The following IL1R2 variants were observed in gnomAD, a reference collection of about 807,000 sequenced individuals.
The protein encoded by IL1R2 is interleukin 1 receptor type 2.
Under a neutral mutation model 39.5 loss-of-function variants are expected in IL1R2, and 46 were observed. The observed-to-expected ratio is 1.16, with a 90% CI of 0.92 to 1.49. The LOEUF is 1.49. Among genes scored for constraint, IL1R2 ranks in the 40% most tolerant of loss-of-function variants. The pLI, the probability that IL1R2 is intolerant of heterozygous loss-of-function variation, is 0.00. For missense variants in IL1R2, 537 were observed against 502.0 expected (o/e 1.07, Z -0.67); for synonymous variants, 207 against 189.6 (o/e 1.09, Z -0.75).
chr2:102,015,879 CT>C lies in IL1R2; in HGVS notation c.343del (p.Tyr115ThrfsTer28), dbSNP rs768129599. On this transcript the variant is annotated frameshift_variant, in exon 4 of 9. Coordinates refer to ENST00000332549, the MANE Select transcript of IL1R2 (RefSeq NM_004633.4). LOFTEE classifies it high-confidence loss of function. ...TTTCCCTTTTAAATCAGAAATGCTTCTTACTGTGACAAAATGTCCATTGAGC... is the reference window on the plus strand; with the variant it reads ...TTTCCCTTTTAAATCAGAAATGCTTCTACTGTGACAAAATGTCCATTGAGC... The part of the protein sequence containing the change: ...GTYVCTTRNA[S>X]YCDKMSIELR... 1 of 1,612,180 alleles carries C rather than the reference CT, an allele frequency of 6.2e-7. No individual in the cohort carries two copies. Among genetic ancestry groups the C allele is most frequent in the Non-Finnish European group, 8.5e-7 (1 of 1,178,538 alleles).
At chr2:102,023,558 G>C (rs898775872) in intron 6 of IL1R2, 1 of 152,232 alleles carries the variant, frequency 6.6e-6, no homozygotes. Flanking sequence ...CTCAACCCGT[G>C]GTGGGGCCAG....
At position 102,026,272 on chromosome 2, in the gene IL1R2, G is replaced by A. The variant is rs372920040; in HGVS notation, c.1030+19G>A. The A allele has an allele frequency of 1.9e-6, 3 of 1,591,188 alleles. No individual in the cohort carries two copies. The highest frequency in any genetic ancestry group is 1.7e-4 in the Middle Eastern group (1 of 6,000). ...AAGGAAGGTATGTATGTATTTTGGG[G>A]AGCACTATAGGAGAATATAACATGT... is the stretch of plus-strand genomic sequence containing the variant. On this transcript the variant is annotated intron_variant, in intron 8 of 8. Coordinates refer to ENST00000332549, the MANE Select transcript of IL1R2 (RefSeq NM_004633.4).
At chr2:102,015,806 T>C in intron 3 of IL1R2, 65 bp from the exon 4 acceptor site, 1 of 1,278,176 alleles carries the variant, frequency 7.8e-7, no homozygotes, top group Admixed American at 1.8e-5. Context: ...AAATGATGCT[T>C]AATTTCATTT....
At chr2:102,006,781 C>A (rs541673658) in intron 1 of IL1R2, among the ~76,000 whole-genome samples, 1 of 152,252 alleles carries the variant, frequency 6.6e-6, no homozygotes, top group Non-Finnish European at 1.5e-5. Context: ...GCAGCTGGCA[C>A]GACTGCTCCC....
chr2:102,022,037 C>G, intron 5 of IL1R2, 150 bp from the exon 6 acceptor site: 1 of 673,578 alleles, frequency 1.5e-6, no homozygotes, highest in Non-Finnish European at 2.7e-6. Flanking sequence ...TTGTAGAGAG[C>G]CTGTTTCCTT....
intron 1 of IL1R2, among the ~76,000 whole-genome samples, chr2:102,001,542 AG>A (rs1211153935): frequency 3.9e-5 from 6 of 152,262 alleles, no homozygotes; most frequent in South Asian, 2.1e-4. Context: ...GCTGCTTGGA[AG>A]CTCATTCCTT....
At chr2:102,013,635 G>GT (rs1676806152) in intron 3 of IL1R2, among the ~76,000 whole-genome samples, 1 of 143,080 alleles carries the variant, frequency 7.0e-6, no homozygotes, top group South Asian at 2.3e-4. Context: ...TTATGCTGCT[G>GT]TAACAAATAG....
At position 102,026,252 on chromosome 2, in the gene IL1R2, A is replaced by G; in HGVS notation, c.1029A>G (p.Glu343=). The G allele has an allele frequency of 6.2e-7, 1 of 1,607,760 alleles. No homozygotes were observed. The highest frequency in any genetic ancestry group is 8.5e-7 in the Non-Finnish European group (1 of 1,177,354). ...AGACACTACGCACCACAGTCAAGGA[A>G]GGTATGTATGTATTTTGGGGAGCAC... ...SFQTLRTTVK[E]ASSTFSWGIV... Residue 343 remains glutamate (E), a splice_region_variant and synonymous_variant, in exon 8 of 9, where the codon GAA becomes GAG. Transcript: ENST00000332549.
At chr2:101,997,151 C>A (rs2150418052) in intron 1 of IL1R2, among the ~76,000 whole-genome samples, 1 of 152,328 alleles carries the variant, frequency 6.6e-6, no homozygotes, top group South Asian at 2.1e-4. Flanking sequence ...GTCCCTGGAC[C>A]TTCCTGGTCA....
At chr2:102,020,789 A>G (rs1261308271) in intron 5 of IL1R2, among the ~76,000 whole-genome samples, 3 of 152,096 alleles carry the variant, frequency 2.0e-5, no homozygotes, top group African/African-American at 7.2e-5. Flanking sequence ...CTGTGCATGA[A>G]CACTAGGGGG....
At chr2:102,012,112 A>G (rs1382767649) in intron 3 of IL1R2, among the ~76,000 whole-genome samples, 1 of 152,238 alleles carries the variant, frequency 6.6e-6, no homozygotes, top group Non-Finnish European at 1.5e-5. Context: ...CTTCTGAACT[A>G]GGACAACCCT....
At chr2:102,007,384 G>C (rs542669877) in intron 1 of IL1R2, among the ~76,000 whole-genome samples, 17 of 152,312 alleles carry the variant, frequency 1.1e-4, no homozygotes, top group South Asian at 4.1e-4. Flanking sequence ...TGTAAAACAG[G>C]AGTTAATCCG....
intron 2 of IL1R2, among the ~76,000 whole-genome samples, chr2:102,009,059 G>GA (rs1365706228): frequency 2.0e-5 from 3 of 151,916 alleles, no homozygotes; most frequent in African/African-American, 2.4e-5. Context: ...TTAAAAAAAA[G>GA]AAAAAAGAAA....
intron 3 of IL1R2, among the ~76,000 whole-genome samples, chr2:102,014,564 A>G (rs1048047805): frequency 6.6e-6 from 1 of 152,236 alleles, no homozygotes; most frequent in Admixed American, 6.5e-5. Flanking sequence ...GCTAAATATA[A>G]ACAGATATTG....
chr2:101,992,480 G>A (rs1272583098), intron 1 of IL1R2, among the ~76,000 whole-genome samples: 2 of 150,962 alleles, frequency 1.3e-5, no homozygotes, highest in Non-Finnish European at 2.9e-5. Context: ...GAGACAGAGA[G>A]AGGCAGAGAG....
At chr2:101,999,358 C>T (rs957292617) in intron 1 of IL1R2, among the ~76,000 whole-genome samples, 1 of 152,256 alleles carries the variant, frequency 6.6e-6, no homozygotes, top group Non-Finnish European at 1.5e-5. Context: ...GCCAGAGCTT[C>T]CAGTTACTAA....
At chr2:102,010,815 C>T (rs1676583290) in intron 3 of IL1R2, among the ~76,000 whole-genome samples, 2 of 152,128 alleles carry the variant, frequency 1.3e-5, no homozygotes, top group South Asian at 4.1e-4. Context: ...AGATCAGTGG[C>T]ACCATCACCA....
chr2:102,027,981 T>G (rs1397255450), intron 8 of IL1R2, among the ~76,000 whole-genome samples: 1 of 152,198 alleles, frequency 6.6e-6, no homozygotes, highest in Non-Finnish European at 1.5e-5. Context: ...CCTCAGCACT[T>G]GCCCACTTAC....
intron 1 of IL1R2, among the ~76,000 whole-genome samples, chr2:101,999,695 G>C (rs774048448): frequency 6.6e-6 from 1 of 152,178 alleles, no homozygotes; most frequent in Non-Finnish European, 1.5e-5. Flanking sequence ...CTATGTGTTT[G>C]CCTAAGATCA....
Sources: gnomAD v4.1 joint callset for allele counts (sites outside exome capture counted in the v4.1 genomes callset) on GRCh38, gnomAD v4.1.1 for gene constraint, MANE v1.5 for transcripts, NCBI Gene and HGNC (gene_info 2026-07-23, HGNC 2026-07-21) for gene names.